Variants in DLC1 observed in about 807,000 individuals in gnomAD.
The protein encoded by DLC1 is DLC1 Rho GTPase activating protein.
Under a neutral mutation model 140.3 loss-of-function variants are expected in DLC1, and 54 were observed. The observed-to-expected ratio is 0.38, with a 90% CI of 0.31 to 0.48. The LOEUF (loss-of-function observed/expected upper bound fraction) is 0.48. DLC1 is among the 20% of genes least tolerant of loss of function. The pLI is 0.96. For missense variants in DLC1, 2,536 were observed against 1,907.0 expected (o/e 1.33, Z -6.14); for synonymous variants, 986 against 728.1 (o/e 1.35, Z -5.70).
chr8:13,550,632 A>G (rs1293997559), intron 1 of DLC1, among the ~76,000 whole-genome samples: 1 of 152,166 alleles, frequency 6.6e-6, no homozygotes, highest in Non-Finnish European at 1.5e-5. Flanking sequence ...TCTTAAAACA[A>G]AATATCATTA....
chr8:13,453,396 ATATATG>A (rs1353311971), intron 2 of DLC1, among the ~76,000 whole-genome samples: 23 of 43,376 alleles, frequency 5.3e-4, no homozygotes, highest in African/African-American at 2.4e-3. Context: ...GGATATATAT[ATATATG>A]TGTATATATA....
intron 4 of DLC1, chr8:13,341,074 G>C (rs1267471510): frequency 6.6e-6 from 1 of 152,052 alleles, no homozygotes; most frequent in Admixed American, 6.6e-5. Flanking sequence ...TTTGAAGGAA[G>C]GATTTAAAAT....
At chr8:13,145,140 G>A (rs1039510283) in intron 5 of DLC1, among the ~76,000 whole-genome samples, 3 of 152,110 alleles carry the variant, frequency 2.0e-5, no homozygotes, top group African/African-American at 7.2e-5. Flanking sequence ...CCAAATGATA[G>A]TGAAAGTAGT....
chr8:13,302,355 A>G (rs1276024712), intron 5 of DLC1, among the ~76,000 whole-genome samples: 2 of 152,228 alleles, frequency 1.3e-5, no homozygotes, highest in Non-Finnish European at 2.9e-5. Context: ...CTGTTCAGTA[A>G]GTATTTGTGA....
rs192276576 is a variant in DLC1, at chr8:13,172,132, G to T, written c.1349-56475C>A. ...AAACATTTTATAGATGTCATTTGGG[G>T]GGTAGCTATTTTTATAATTAATTGA... On this transcript the variant is annotated intron_variant, in intron 5 of 17. Transcript: ENST00000276297. Among the ~76,000 whole-genome samples the T allele has an allele frequency of 4.6e-5, 7 of 152,286 alleles. 1 individual carries two copies. The highest frequency in any genetic ancestry group is 4.6e-4 in the Admixed American group (7 of 15,298).
chr8:13,196,088 G>A (rs1332422548), intron 5 of DLC1, among the ~76,000 whole-genome samples: 2 of 114,392 alleles, frequency 1.7e-5, no homozygotes, highest in Non-Finnish European at 1.8e-5. Flanking sequence ...TCTACATTCT[G>A]TATTGATACA....
At position 13,099,721 on chromosome 8, in the gene DLC1, C is replaced by G; in HGVS notation, c.2616G>C (p.Met872Ile). 4 of 1,614,166 alleles carry G rather than the reference C, an allele frequency of 2.5e-6. No individual in the cohort carries two copies. The highest frequency in any genetic ancestry group is 3.4e-6 in the Non-Finnish European group (4 of 1,180,024). Reference sequence around the variant, plus strand: ...TGTCGTAGATGCTCAGGCGGCTGCTCATGGAGCTGGAAGAATTGCGTCTCT... The same window carrying G: ...TGTCGTAGATGCTCAGGCGGCTGCTGATGGAGCTGGAAGAATTGCGTCTCT... The part of the protein sequence containing the change: ...ELKRRNSSSS[M>I]SSRLSIYDNV... The change falls in exon 9 of 18, where the codon ATG becomes ATC. Residue 872 changes from methionine (M) to isoleucine (I), a missense_variant. Met to Ile is a conservative substitution (Grantham distance 10, BLOSUM62 1). Coordinates refer to ENST00000276297, the MANE Select transcript of DLC1 (RefSeq NM_182643.3).
chr8:13,332,830 A>C (rs1833654374), intron 4 of DLC1, among the ~76,000 whole-genome samples: 1 of 152,134 alleles, frequency 6.6e-6, no homozygotes, highest in African/African-American at 2.4e-5. Context: ...GAATTAATAT[A>C]GTTTATTTGG....
intron 5 of DLC1, among the ~76,000 whole-genome samples, chr8:13,298,692 G>A (rs1047585238): frequency 1.3e-5 from 2 of 152,120 alleles, no homozygotes; most frequent in African/African-American, 4.8e-5. Flanking sequence ...TTAAAGAAGT[G>A]ATATTATTGT....
intron 5 of DLC1, among the ~76,000 whole-genome samples, chr8:13,162,066 G>T (rs1824746525): frequency 6.6e-6 from 1 of 152,182 alleles, no homozygotes; most frequent in Admixed American, 6.5e-5. Context: ...GTTTATGAAA[G>T]TTTTTGACTT....
At chr8:13,168,925 G>C (rs1825280535) in intron 5 of DLC1, among the ~76,000 whole-genome samples, 1 of 152,218 alleles carries the variant, frequency 6.6e-6, no homozygotes, top group Non-Finnish European at 1.5e-5. Flanking sequence ...CCGTTGGACA[G>C]AAGAGTCTAA....
At chr8:13,367,448 C>T (rs902230516) in intron 4 of DLC1, among the ~76,000 whole-genome samples, 3 of 152,086 alleles carry the variant, frequency 2.0e-5, no homozygotes, top group Non-Finnish European at 4.4e-5. Context: ...TTAGGGGGCC[C>T]AATAGAAGAA....
chr8:13,538,349 G>T (rs1405296072), intron 1 of DLC1, among the ~76,000 whole-genome samples: 1 of 150,852 alleles, frequency 6.6e-6, no homozygotes, highest in Non-Finnish European at 1.5e-5. Flanking sequence ...TCCCAAAATA[G>T]TGGTGCCAGC....
chr8:13,466,065 G>C (rs1799919457), intron 2 of DLC1, among the ~76,000 whole-genome samples: 1 of 152,080 alleles, frequency 6.6e-6, no homozygotes, highest in African/African-American at 2.4e-5. Flanking sequence ...GTCCTCACTG[G>C]GCATAGACGG....
intron 1 of DLC1, among the ~76,000 whole-genome samples, chr8:13,582,996 A>G (rs761609837): frequency 2.7e-5 from 4 of 150,516 alleles, no homozygotes; most frequent in African/African-American, 9.8e-5. Flanking sequence ...GCTAATGGTC[A>G]TCTAAGTCTT....
At chr8:13,155,223 T>C (rs1242494791) in intron 5 of DLC1, among the ~76,000 whole-genome samples, 2 of 152,000 alleles carry the variant, frequency 1.3e-5, no homozygotes, top group Non-Finnish European at 2.9e-5. Flanking sequence ...ATTATATGGC[T>C]ATATCCTAAT....
chr8:13,165,160 A>G (rs1229779328), intron 5 of DLC1, among the ~76,000 whole-genome samples: 4 of 152,312 alleles, frequency 2.6e-5, no homozygotes, highest in Non-Finnish European at 2.9e-5. Flanking sequence ...ACTGTGTCCT[A>G]TGCAATATTT....
Position 13,530,373 on chromosome 8 carries a change from T to C in DLC1, c.-125-30177A>G, listed in dbSNP as rs112923913. 3.9e-5 allele frequency among the ~76,000 whole-genome samples: 6 copies of C among 152,300 alleles called. No individual in the cohort carries two copies. The East Asian group carries it at 5.8e-4, about 15-fold the overall frequency. On this transcript the variant is annotated intron_variant, in intron 1 of 1. Coordinates refer to the DLC1 transcript ENST00000631382. Reference sequence around the variant, plus strand: ...CTGAGTTTTTAAAAATTCCTTGAAATGCAAACCACAAAGGAAATGCCGAGT... The same window carrying C: ...CTGAGTTTTTAAAAATTCCTTGAAACGCAAACCACAAAGGAAATGCCGAGT...
At chr8:13,477,369 C>G (rs921887035) in intron 2 of DLC1, among the ~76,000 whole-genome samples, 1 of 152,160 alleles carries the variant, frequency 6.6e-6, no homozygotes, top group East Asian at 1.9e-4. Flanking sequence ...CAGGTATGTA[C>G]AGCCACTACT....
Sources: gnomAD v4.1 joint callset for allele counts (sites outside exome capture counted in the v4.1 genomes callset) on GRCh38, gnomAD v4.1.1 for gene constraint, MANE v1.5 for transcripts, NCBI Gene and HGNC (gene_info 2026-07-23, HGNC 2026-07-21) for gene names.